The following GLB1 variants were observed in gnomAD, a reference collection of about 807,000 sequenced individuals.
GLB1 encodes the protein galactosidase beta 1.
A neutral mutation model predicts 74.0 loss-of-function variants in GLB1; 56 were observed. That is an observed-to-expected ratio of 0.76 (90% CI 0.61 to 0.94). GLB1 has a LOEUF of 0.94. GLB1 is among the 40% of genes least tolerant of loss of function. GLB1 has a pLI of 0.00. For missense variants in GLB1, 787 were observed against 845.5 expected (o/e 0.93, Z 0.86); for synonymous variants, 323 against 323.6 (o/e 1.00, Z 0.02).
chr3:32,968,391 G>A, the GLB1 span, among the ~76,000 whole-genome samples: 2 of 152,140 alleles, frequency 1.3e-5, no homozygotes, highest in Admixed American at 1.3e-4. Flanking sequence ...GCACCCAGGA[G>A]AAACCCAAGA....
At chr3:33,037,090 T>C (rs9860184) in intron 10 of GLB1, among the ~76,000 whole-genome samples, 141,004 of 151,266 alleles carry the variant, frequency 0.93, 66,542 homozygotes, top group East Asian at 1. Context: ...CTGTCACCCA[T>C]GCTGGAGTGC....
At chr3:32,995,340 TG>T (rs909400429), downstream of GLB1, among the ~76,000 whole-genome samples, 1 of 152,166 alleles carries the variant, frequency 6.6e-6, no homozygotes, top group Non-Finnish European at 1.5e-5. Flanking sequence ...TGTTTGGCCA[TG>T]GTTCTTGAGT....
At chr3:33,055,542 C>A (rs530426346) in intron 6 of GLB1, among the ~76,000 whole-genome samples, 1 of 150,434 alleles carries the variant, frequency 6.6e-6, no homozygotes, top group African/African-American at 2.4e-5. Flanking sequence ...CTCACTGCAA[C>A]CTCTGGCTCC....
intron 11 of GLB1, among the ~76,000 whole-genome samples, chr3:33,022,934 C>T (rs540796515): frequency 6.6e-5 from 10 of 152,234 alleles, no homozygotes; most frequent in South Asian, 2.1e-4. Context: ...ATCTCATTTA[C>T]AATTTCATCA....
chr3:33,015,650 G>T (rs1320680139), intron 14 of GLB1, among the ~76,000 whole-genome samples: 1 of 152,224 alleles, frequency 6.6e-6, no homozygotes, highest in East Asian at 1.9e-4. Flanking sequence ...TCACTCCCAT[G>T]GGTCAATGTG....
At chr3:32,978,237 G>A in the GLB1 span, among the ~76,000 whole-genome samples, 1,178 of 152,248 alleles carry the variant, frequency 7.7e-3, 12 homozygotes, top group African/African-American at 0.026. Flanking sequence ...CCTTTTGGAG[G>A]GGGGCATTTG....
At chr3:33,089,295 ACT>A (rs1232556294) in intron 1 of GLB1, among the ~76,000 whole-genome samples, 1 of 152,144 alleles carries the variant, frequency 6.6e-6, no homozygotes, top group Non-Finnish European at 1.5e-5. Flanking sequence ...AAACTTTAAA[ACT>A]CTGTGCATCA....
chr3:33,064,049 G>T (rs957466671), intron 5 of GLB1, among the ~76,000 whole-genome samples: 2 of 152,120 alleles, frequency 1.3e-5, no homozygotes, highest in African/African-American at 4.8e-5. Flanking sequence ...TAAGAAGGAA[G>T]CCTGGCCCAC....
intron 6 of GLB1, among the ~76,000 whole-genome samples, chr3:33,055,215 G>C (rs1699163181): frequency 6.6e-6 from 1 of 152,190 alleles, no homozygotes; most frequent in African/African-American, 2.4e-5. Flanking sequence ...CCCTGGCCTT[G>C]TGGTTGTCTA....
chr3:32,977,629 A>C, the GLB1 span, among the ~76,000 whole-genome samples: 1 of 152,216 alleles, frequency 6.6e-6, no homozygotes, highest in African/African-American at 2.4e-5. Context: ...GCCTTGACTG[A>C]GGACCTACTA....
At chr3:33,053,937 C>T (rs1052281415) in intron 6 of GLB1, among the ~76,000 whole-genome samples, 1 of 152,038 alleles carries the variant, frequency 6.6e-6, no homozygotes, top group Non-Finnish European at 1.5e-5. Context: ...TGCTTGAACC[C>T]GGGAGGTGGA....
intron 1 of GLB1, among the ~76,000 whole-genome samples, chr3:33,081,908 A>G (rs1459548087): frequency 2.3e-4 from 35 of 152,228 alleles, no homozygotes; most frequent in Admixed American, 2.3e-3. Context: ...TGCATGGAAA[A>G]TTGAGATTCC....
chr3:33,044,826 A>G (rs1698676069), intron 10 of GLB1, among the ~76,000 whole-genome samples: 1 of 152,212 alleles, frequency 6.6e-6, no homozygotes, highest in Non-Finnish European at 1.5e-5. Context: ...ACTGAGCATA[A>G]AAACTGTGGG....
chr3:33,021,715 G>C, intron 11 of GLB1, 60 bp from the exon 12 acceptor site: 1 of 1,567,272 alleles, frequency 6.4e-7, no homozygotes, highest in South Asian at 1.1e-5. Context: ...TCAGGTTACA[G>C]AGTCATTCCC....
In GLB1 at chr3:33,093,632, C is replaced by T. The variant is rs769114598; in HGVS notation, c.75+3379G>A. On this transcript the variant is annotated intron_variant, in intron 1 of 15. Coordinates refer to ENST00000307363, the MANE Select transcript of GLB1 (RefSeq NM_000404.4). This position sits in a 1 kb window ranked among gnomAD's most constrained non-coding sequence, Gnocchi z 6.0. ...TGGGCACCTCCACAGTTTTCACAGC[C>T]GGGGGCTGCGCGGCATTCAGAATCC... 9.3e-6 allele frequency: 15 copies of T among 1,614,124 alleles called. No homozygotes were observed. Among genetic ancestry groups the T allele is most frequent in the East Asian group, 2.2e-5 (1 of 44,878 alleles).
At chr3:33,002,372 C>T (rs1247569531) in intron 15 of GLB1, among the ~76,000 whole-genome samples, 2 of 130,380 alleles carry the variant, frequency 1.5e-5, no homozygotes, top group Non-Finnish European at 3.2e-5. Context: ...TTCCATCCTT[C>T]CTTCCTTCCT....
intron 10 of GLB1, among the ~76,000 whole-genome samples, chr3:33,040,426 G>A (rs977896677): frequency 2.0e-5 from 3 of 151,522 alleles, no homozygotes; most frequent in Non-Finnish European, 2.9e-5. Flanking sequence ...GCAACATAGT[G>A]AGACCCTGGC....
chr3:33,034,649 A>T (rs1174728387), intron 10 of GLB1: 1 of 730,504 alleles, frequency 1.4e-6, no homozygotes, highest in Non-Finnish European at 2.6e-6. Flanking sequence ...GCATGCGGGC[A>T]GGTCCATCAC....
At chr3:33,042,661 A>G (rs575909891) in intron 10 of GLB1, among the ~76,000 whole-genome samples, 1 of 152,102 alleles carries the variant, frequency 6.6e-6, no homozygotes, top group Non-Finnish European at 1.5e-5. Flanking sequence ...GCCACCGCGC[A>G]CAGCCTCTCC....
Sources: allele counts gnomAD v4.1 joint callset (sites outside exome capture counted in the v4.1 genomes callset), GRCh38; gene constraint gnomAD v4.1.1; non-coding constraint Gnocchi (gnomAD v3.1); transcripts MANE v1.5; gene names NCBI Gene and HGNC (gene_info 2026-07-23, HGNC 2026-07-21).